The following DCAF6 variants were observed in gnomAD, a reference collection of about 807,000 sequenced individuals.
DCAF6 encodes the protein DDB1 and CUL4 associated factor 6.
In DCAF6, 54 loss-of-function variants were observed where a neutral mutation model predicts 125.1. That is an observed-to-expected ratio of 0.43 (90% CI 0.35 to 0.54). The LOEUF is 0.54. Among genes scored for constraint, DCAF6 ranks in the 20% least tolerant of loss-of-function variants. The pLI, the probability that DCAF6 is intolerant of heterozygous loss-of-function variation, is 0.01. For missense variants in DCAF6, 934 were observed against 1,161.7 expected (o/e 0.80, Z 2.85); for synonymous variants, 371 against 390.4 (o/e 0.95, Z 0.58).
chr1:168,008,515 CT>C (rs976338492), intron 10 of DCAF6, among the ~76,000 whole-genome samples: 1 of 152,138 alleles, frequency 6.6e-6, no homozygotes, highest in Non-Finnish European at 1.5e-5. Flanking sequence ...ATTAATCTGC[CT>C]GTACCTACTG....
the DCAF6 span, among the ~76,000 whole-genome samples, chr1:167,906,377 G>A: frequency 3.3e-5 from 5 of 151,274 alleles, no homozygotes; most frequent in South Asian, 2.1e-4. Context: ...AAAAAAAAAA[G>A]GGTAGCATTA....
intron 13 of DCAF6, among the ~76,000 whole-genome samples, chr1:168,040,425 G>A (rs1346796108): frequency 1.3e-5 from 2 of 151,840 alleles, no homozygotes; most frequent in Non-Finnish European, 2.9e-5. Flanking sequence ...AAAAAGCTAT[G>A]GCAGTAAGAA....
intron 10 of DCAF6, among the ~76,000 whole-genome samples, chr1:168,010,503 G>A (rs559208470): frequency 6.6e-6 from 1 of 151,586 alleles, no homozygotes; most frequent in South Asian, 2.1e-4. Flanking sequence ...TTTACCCTTT[G>A]TATTCTTGAA....
intron 16 of DCAF6, among the ~76,000 whole-genome samples, chr1:168,049,191 C>CA (rs1361099831): frequency 2.0e-5 from 3 of 151,682 alleles, no homozygotes; most frequent in Admixed American, 6.6e-5. Context: ...CAAAACAAAG[C>CA]AAAAAAATAG....
In DCAF6 at chr1:168,075,767, A is replaced by C. The variant is rs1055708339; in HGVS notation, c.*332A>C. ...TCATCATAGTGAAAATGTTGGTTCAAATAAATTTCTACACTTGCCATTTGC... is the reference window on the plus strand; with the variant it reads ...TCATCATAGTGAAAATGTTGGTTCACATAAATTTCTACACTTGCCATTTGC... On this transcript the variant is annotated 3_prime_UTR_variant, in exon 22 of 22. Transcript: ENST00000367840. 9.8e-6 allele frequency: 2 copies of C among 204,286 alleles called. No homozygotes were observed. Among genetic ancestry groups the C allele is most frequent in the Admixed American group, 5.9e-5 (1 of 16,898 alleles). 12.7% of individuals were successfully genotyped at this position (204,286 alleles called of 1,614,324 possible).
chr1:168,071,649 C>G (rs921558371), intron 21 of DCAF6, among the ~76,000 whole-genome samples: 1 of 151,974 alleles, frequency 6.6e-6, no homozygotes, highest in Non-Finnish European at 1.5e-5. Context: ...AAACCAAAAT[C>G]AGGCAGTGGG....
chr1:167,902,165 G>T, the DCAF6 span: 1 of 1,076,044 alleles, frequency 9.3e-7, no homozygotes. Flanking sequence ...GTGATTCAGA[G>T]AATAGGCTTA....
chr1:168,075,836 AC>A (rs1271310368), downstream of DCAF6: 1 of 162,962 alleles, frequency 6.1e-6, no homozygotes, highest in African/African-American at 2.4e-5. Context: ...GTTTTAAGAT[AC>A]CCTGAATTTG....
intron 21 of DCAF6, among the ~76,000 whole-genome samples, chr1:168,068,794 A>T (rs1692684312): frequency 6.6e-6 from 1 of 152,176 alleles, no homozygotes; most frequent in African/African-American, 2.4e-5. Context: ...TCATAGCCCA[A>T]ACAGAAATAA....
intron 21 of DCAF6, among the ~76,000 whole-genome samples, chr1:168,072,643 A>T (rs1693260540): frequency 6.6e-6 from 1 of 152,190 alleles, no homozygotes; most frequent in Non-Finnish European, 1.5e-5. Flanking sequence ...ACAAATACTG[A>T]GTATTCTGGT....
rs931705879 is a variant in DCAF6 at position 167,941,598 on chromosome 1, G to T, written c.97+4590G>T. Reference sequence around the variant, plus strand: ...TTTTCATATTGTTACAACTGTTGGTGTTGAACTGGTAGAGTACGCACTAAT... The same window carrying T: ...TTTTCATATTGTTACAACTGTTGGTTTTGAACTGGTAGAGTACGCACTAAT... On this transcript the variant is annotated intron_variant, in intron 1 of 21. Coordinates refer to ENST00000367840, the MANE Select transcript of DCAF6 (RefSeq NM_001198956.2). 3.3e-5 allele frequency among the ~76,000 whole-genome samples: 5 copies of T among 152,104 alleles called. No individual in the cohort carries two copies. The East Asian group carries it at 9.6e-4, about 29-fold the overall frequency.
chr1:167,927,071 C>A, the DCAF6 span, among the ~76,000 whole-genome samples: 1 of 152,120 alleles, frequency 6.6e-6, no homozygotes, highest in African/African-American at 2.4e-5. Flanking sequence ...TAGGTATGTG[C>A]CAACAGAACT....
chr1:168,068,584 C>T (rs1485157643), intron 21 of DCAF6, 121 bp downstream of exon 21: 2 of 439,280 alleles, frequency 4.6e-6, no homozygotes, highest in Non-Finnish European at 3.7e-6. Flanking sequence ...GGTAGCTTAA[C>T]TTCTAAACTA....
the DCAF6 span, among the ~76,000 whole-genome samples, chr1:167,900,021 G>C: frequency 2.0e-5 from 3 of 152,112 alleles, no homozygotes; most frequent in African/African-American, 7.2e-5. Flanking sequence ...AATCCCTTAG[G>C]GTTGAATTTT....
intron 12 of DCAF6, among the ~76,000 whole-genome samples, chr1:168,025,906 A>C (rs993956500): frequency 6.6e-6 from 1 of 152,174 alleles, no homozygotes; most frequent in African/African-American, 2.4e-5. Flanking sequence ...CTGTATCTCT[A>C]ATCTCGTCTC....
intron 1 of DCAF6, among the ~76,000 whole-genome samples, chr1:167,941,343 T>C (rs1043015105): frequency 6.6e-6 from 1 of 152,208 alleles, no homozygotes; most frequent in African/African-American, 2.4e-5. Flanking sequence ...GTGGGTTTCA[T>C]TGCTTCCTAA....
the DCAF6 span, chr1:167,880,285 A>G: frequency 8.4e-7 from 1 of 1,194,184 alleles, no homozygotes; most frequent in Non-Finnish European, 1.2e-6. Flanking sequence ...TGGGTTGGGA[A>G]AGGGTGGGAA....
chr1:167,962,060 C>T (rs561181379), intron 2 of DCAF6, among the ~76,000 whole-genome samples: 3 of 152,050 alleles, frequency 2.0e-5, no homozygotes, highest in Non-Finnish European at 4.4e-5. Context: ...AGAGTAGACA[C>T]TGTTTGATTT....
At chr1:167,995,054 G>A (rs749421326) in intron 7 of DCAF6, among the ~76,000 whole-genome samples, 2 of 152,102 alleles carry the variant, frequency 1.3e-5, no homozygotes, top group African/African-American at 2.4e-5. Context: ...GGGTATGATG[G>A]CTAATAAAAT....
Sources: gnomAD v4.1 joint callset for allele counts (sites outside exome capture counted in the v4.1 genomes callset) on GRCh38, gnomAD v4.1.1 for gene constraint, MANE v1.5 for transcripts, NCBI Gene and HGNC (gene_info 2026-07-23, HGNC 2026-07-21) for gene names.